SUGCT: variants seen among roughly 807,000 people sequenced by gnomAD.
The protein encoded by SUGCT is succinyl-CoA:glutarate-CoA transferase.
In SUGCT, 41 loss-of-function variants were observed where a neutral mutation model predicts 55.0. The observed-to-expected ratio is 0.74, with a 90% CI of 0.58 to 0.97. The LOEUF (loss-of-function observed/expected upper bound fraction) is 0.97, where lower values mean the gene tolerates loss of function less well. Ranked by LOEUF, SUGCT falls within the 50% of genes least tolerant of loss-of-function variation. The probability of loss-of-function intolerance (pLI) is 0.00; values close to 1 mark genes in which losing one functional copy is unlikely to be tolerated. For missense variants in SUGCT, 568 were observed against 547.8 expected (o/e 1.04, Z -0.37); for synonymous variants, 187 against 200.4 (o/e 0.93, Z 0.56).
intron 1 of SUGCT, among the ~76,000 whole-genome samples, chr7:40,150,536 G>T (rs552762645): frequency 9.9e-4 from 151 of 152,248 alleles, no homozygotes; most frequent in Non-Finnish European, 1.6e-3. Context: ...GCTGGGCGAG[G>T]TGGTGGGCAC....
intron 9 of SUGCT, among the ~76,000 whole-genome samples, chr7:40,355,545 T>G (rs2151208158): frequency 6.6e-6 from 1 of 152,286 alleles, no homozygotes; most frequent in Non-Finnish European, 1.5e-5. Flanking sequence ...GAATTTAGGC[T>G]TTGCAGGCCA....
At chr7:40,964,885 C>T in the SUGCT span, 7 of 152,186 alleles carry the variant, frequency 4.6e-5, no homozygotes, top group Non-Finnish European at 1.5e-5. Flanking sequence ...TACCTCATCA[C>T]AACACTGGCC....
chr7:40,908,047 A>T, the SUGCT span, among the ~76,000 whole-genome samples: 1 of 152,014 alleles, frequency 6.6e-6, no homozygotes, highest in Non-Finnish European at 1.5e-5. Flanking sequence ...TCAACCTAAC[A>T]GAAAAATTGG....
chr7:40,424,399 C>T (rs552618089), intron 9 of SUGCT, among the ~76,000 whole-genome samples: 68 of 152,240 alleles, frequency 4.5e-4, no homozygotes, highest in African/African-American at 1.6e-3. Flanking sequence ...TCTATAAGCA[C>T]TGCCTGAATA....
intron 13 of SUGCT, among the ~76,000 whole-genome samples, chr7:40,764,177 G>C (rs908503026): frequency 3.9e-5 from 6 of 152,176 alleles, no homozygotes; most frequent in South Asian, 2.1e-4. Context: ...TCTGCAAGAA[G>C]TTCCCAAATA....
the SUGCT span, among the ~76,000 whole-genome samples, chr7:40,930,070 T>A: frequency 5.9e-5 from 9 of 152,364 alleles, no homozygotes; most frequent in African/African-American, 1.7e-4. Context: ...CATTTAAGTC[T>A]TTAATCCATC....
At chr7:40,938,511 T>G in the SUGCT span, among the ~76,000 whole-genome samples, 7 of 152,220 alleles carry the variant, frequency 4.6e-5, no homozygotes, top group African/African-American at 1.2e-4. Context: ...ATACATTTTC[T>G]ATTTCAATAG....
chr7:40,847,407 C>CTTT (rs1338885686), intron 13 of SUGCT, among the ~76,000 whole-genome samples: 114 of 117,836 alleles, frequency 9.7e-4, no homozygotes, highest in African/African-American at 3.0e-3. Context: ...TCTTTTCTTT[C>CTTT]TTTCTTTTTT....
the SUGCT span, among the ~76,000 whole-genome samples, chr7:41,033,904 G>C: frequency 6.6e-6 from 1 of 152,096 alleles, no homozygotes; most frequent in Non-Finnish European, 1.5e-5. Flanking sequence ...GTCTTGGGGG[G>C]CCAAGTAGGT....
intron 12 of SUGCT, among the ~76,000 whole-genome samples, chr7:40,686,831 C>T (rs1475307297): frequency 6.6e-6 from 1 of 152,128 alleles, no homozygotes; most frequent in African/African-American, 2.4e-5. Flanking sequence ...CTTTTGTTCC[C>T]AGCTGTGGAT....
At chr7:40,207,745 A>G (rs1340875086) in intron 6 of SUGCT, among the ~76,000 whole-genome samples, 3 of 152,076 alleles carry the variant, frequency 2.0e-5, no homozygotes, top group Non-Finnish European at 4.4e-5. Flanking sequence ...TGAAACCCAG[A>G]GGCAGAGACT....
chr7:40,135,041 G>T lies in SUGCT; in HGVS notation c.21G>T (p.Arg7Ser). The T allele has an allele frequency of 1.3e-6, 2 of 1,562,438 alleles. No individual in the cohort carries two copies. The highest frequency in any genetic ancestry group is 1.7e-6 in the Non-Finnish European group (2 of 1,154,962). Residue 7 changes from arginine (R) to serine (S), a missense_variant, in exon 1 of 14, where the codon AGG (arginine) becomes AGT (serine). Coordinates refer to ENST00000335693, the MANE Select transcript of SUGCT (RefSeq NM_001193313.2). ...ACGCGATGCTGGCGACGCTGGCGAG[G>T]GTGGCAGCTCTGCGCAGAACCTGCC... MLATLA[R>S]VAALRRTCLF... is the part of the protein sequence containing the mutation.
intron 13 of SUGCT, among the ~76,000 whole-genome samples, chr7:40,835,890 CTTTTTTTTTT>C (rs1011199588): frequency 1.5e-5 from 2 of 136,080 alleles, no homozygotes; most frequent in African/African-American, 2.7e-5. Flanking sequence ...TCTTTTTTTT[CTTTTTTTTTT>C]TTTTTTTGGT....
chr7:40,330,780 TAC>T (rs1357940412), intron 9 of SUGCT, among the ~76,000 whole-genome samples: 1 of 152,254 alleles, frequency 6.6e-6, no homozygotes, highest in Admixed American at 6.5e-5. Flanking sequence ...GTAAAAACAA[TAC>T]AGTTTTAGCT....
chr7:40,777,463 T>TA (rs398004523), intron 13 of SUGCT, among the ~76,000 whole-genome samples: 15 of 151,784 alleles, frequency 9.9e-5, no homozygotes, highest in African/African-American at 2.2e-4. Flanking sequence ...TTTTTTTTTT[T>TA]AAAATCAGTT....
At chr7:40,161,226 G>A (rs1034854263) in intron 1 of SUGCT, among the ~76,000 whole-genome samples, 1 of 152,100 alleles carries the variant, frequency 6.6e-6, no homozygotes, top group Non-Finnish European at 1.5e-5. Flanking sequence ...GTTGCTCACT[G>A]GAAGCTGTTA....
chr7:40,903,939 G>A, the SUGCT span, among the ~76,000 whole-genome samples: 1 of 152,122 alleles, frequency 6.6e-6, no homozygotes, highest in African/African-American at 2.4e-5. Flanking sequence ...GGGAATTGAG[G>A]ACCACAAGAA....
chr7:40,379,318 C>G (rs914762768), intron 9 of SUGCT, among the ~76,000 whole-genome samples: 7 of 152,184 alleles, frequency 4.6e-5, no homozygotes, highest in Non-Finnish European at 7.3e-5. Context: ...CCTTACAAAA[C>G]TAATGCAGTC....
At chr7:40,222,480 T>C (rs932805619) in intron 6 of SUGCT, among the ~76,000 whole-genome samples, 6 of 152,196 alleles carry the variant, frequency 3.9e-5, no homozygotes, top group South Asian at 2.1e-4. Flanking sequence ...TGAACACTGA[T>C]GGTTTTTCTT....
Sources: allele counts gnomAD v4.1 joint callset (sites outside exome capture counted in the v4.1 genomes callset), GRCh38; gene constraint gnomAD v4.1.1; transcripts MANE v1.5; gene names NCBI Gene and HGNC (gene_info 2026-07-23, HGNC 2026-07-21).